Variants in SPEN observed in about 807,000 individuals in gnomAD.
The protein encoded by SPEN is spen family transcriptional repressor, also known as msx2-interacting protein.
SPEN carries 18 observed loss-of-function variants against 269.9 expected under a neutral mutation model. The ratio of observed to expected loss-of-function variants is 0.07; its 90% CI spans 0.05 to 0.10. SPEN has a LOEUF of 0.10. Ranked by LOEUF, SPEN falls within the 10% of genes least tolerant of loss-of-function variation. SPEN has a pLI of 1.00. For synonymous variants in SPEN, 1,726 were observed against 1,765.7 expected, an observed-to-expected ratio of 0.98 and a Z score of 0.56; for missense variants, 3,822 against 4,631.2, an observed-to-expected ratio of 0.83 and a Z score of 5.07.
Position 15,876,530 on chromosome 1 carries a change from C to T in SPEN, c.733C>T (p.Pro245Ser). 6.2e-7 allele frequency: 1 copy of T among 1,614,084 alleles called. No homozygotes were observed. Among genetic ancestry groups the T allele is most frequent in the African/African-American group, 1.3e-5 (1 of 75,014 alleles). The change falls in exon 3 of 15, where the codon CCA becomes TCA. Residue 245 changes from proline (P) to serine (S), a missense_variant. By Grantham distance (74) the Pro-to-Ser change is moderately conservative (BLOSUM62 -1). This residue lies in a region of SPEN where 327 missense variants were observed against 350.8 expected (regional missense o/e 0.93). Coordinates refer to ENST00000375759, the MANE Select transcript of SPEN (RefSeq NM_015001.3). ...RNYQHSRSRS[P>S]HSSQSRNQSP... ...TTACCAGCACAGCAGGAGTCGGTCA[C>T]CACATTCATCCCAGTCTAGAAATCA...
chr1:15,930,342 A>T lies in SPEN; in HGVS notation c.4102A>T (p.Arg1368Trp). 6.2e-7 allele frequency: 1 copy of T among 1,613,734 alleles called. No individual in the cohort carries two copies. Among genetic ancestry groups the T allele is most frequent in the South Asian group, 1.1e-5 (1 of 91,028 alleles). Residue 1368 changes from arginine to tryptophan, a missense_variant, in exon 11 of 15, where the codon AGG (arginine) becomes TGG (tryptophan). Physicochemically the swap from Arg to Trp is moderately radical, Grantham distance 101. Transcript: ENST00000375759. This position sits in a 1 kb window ranked among gnomAD's most constrained non-coding sequence, Gnocchi z 5.3. ...AATTAAGAGAGATAGCCTTCGAAAA[A>T]GGTCTGTACGAGATCTGGAACCTGG... The part of the protein sequence containing the change: ...SIIKRDSLRK[R>W]SVRDLEPGEV...
At chr1:15,889,167 T>TTC (rs891025948) in intron 3 of SPEN, among the ~76,000 whole-genome samples, 3 of 149,144 alleles carry the variant, frequency 2.0e-5, no homozygotes, top group Admixed American at 6.7e-5. Context: ...TTCTTTTCTT[T>TTC]TTTTTTTTTT....
intron 3 of SPEN, among the ~76,000 whole-genome samples, 183 bp from the exon 4 acceptor site, chr1:15,909,138 C>T (rs912521497): frequency 3.7e-4 from 57 of 152,180 alleles, no homozygotes; most frequent in African/African-American, 1.2e-3. Flanking sequence ...TTTTGTGCTC[C>T]TGCATATTTA....
rs546776460 is a variant in SPEN at position 15,887,108 on chromosome 1, T to G, written c.881+10430T>G. Among the ~76,000 whole-genome samples the G allele has an allele frequency of 3.3e-5, 5 of 151,772 alleles. No individual in the cohort carries two copies. The South Asian group carries it at 1.0e-3, about 32-fold the overall frequency. On this transcript the variant is annotated intron_variant, in intron 3 of 14. Coordinates refer to ENST00000375759, the MANE Select transcript of SPEN (RefSeq NM_015001.3). The stretch of plus-strand genomic sequence containing the variant: ...ATTGCACCTGAGCCTCCCAAGTAGC[T>G]GGGATTACAGCCACACACCACCACG...
intron 1 of SPEN, among the ~76,000 whole-genome samples, chr1:15,850,296 G>A (rs1238372047): frequency 6.6e-6 from 1 of 152,124 alleles, no homozygotes; most frequent in Non-Finnish European, 1.5e-5. Context: ...TGCATTCAAA[G>A]GAGTATCTTA....
At position 15,929,363 on chromosome 1, in the gene SPEN, G is replaced by C. The variant is rs765275426; in HGVS notation, c.3123G>C (p.Arg1041Ser). Reference protein sequence around the residue: ...REGEAERKPVRKEILKRESKK... With the variant: ...REGEAERKPVSKEILKRESKK... Reference sequence around the variant, plus strand: ...GAGAGGCTGAAAGAAAGCCTGTGAGGAAAGAAATTCTTAAAAGAGAATCTA... The same window carrying C: ...GAGAGGCTGAAAGAAAGCCTGTGAGCAAAGAAATTCTTAAAAGAGAATCTA... Residue 1041 changes from arginine to serine, a missense_variant, in exon 11 of 15, where the codon AGG becomes AGC. Around this residue, in one of 16 missense-constraint regions of SPEN, gnomAD observed 572 missense variants for 582.6 expected, o/e 0.98. Transcript: ENST00000375759. The surrounding 1 kb of genome is among the most constrained non-coding windows in gnomAD (Gnocchi z 5.8). The C allele has an allele frequency of 1.2e-6, 2 of 1,613,170 alleles. No homozygotes were observed. The highest frequency in any genetic ancestry group is 1.7e-6 in the Non-Finnish European group (2 of 1,179,744).
chr1:15,866,502 T>C (rs957329791), intron 1 of SPEN, among the ~76,000 whole-genome samples: 6 of 152,070 alleles, frequency 3.9e-5, no homozygotes, highest in Non-Finnish European at 8.8e-5. Context: ...TACAGGCGCC[T>C]GCCACCACAC....
chr1:15,895,488 G>A (rs145887733), intron 3 of SPEN, among the ~76,000 whole-genome samples: 2 of 152,124 alleles, frequency 1.3e-5, no homozygotes, highest in East Asian at 1.9e-4. Flanking sequence ...CTTGTCACAT[G>A]TATCATAATT....
intron 3 of SPEN, among the ~76,000 whole-genome samples, chr1:15,894,770 C>T (rs2070824428): frequency 6.6e-6 from 1 of 151,936 alleles, no homozygotes. Flanking sequence ...GATCTGACCT[C>T]CTGATCTGCC....
intron 3 of SPEN, among the ~76,000 whole-genome samples, chr1:15,906,177 C>G (rs757941725): frequency 6.6e-5 from 10 of 152,134 alleles, no homozygotes; most frequent in Non-Finnish European, 1.2e-4. Flanking sequence ...TCATTAAACC[C>G]TAATGTCAAT....
chr1:15,939,517 C>A lies in SPEN; in HGVS notation c.*90C>A. 2.8e-6 allele frequency: 4 copies of A among 1,421,974 alleles called. No homozygotes were observed. Among genetic ancestry groups the A allele is most frequent in the Non-Finnish European group, 3.7e-6 (4 of 1,073,236 alleles). The allele number at this position is 1,421,974 out of a possible 1,614,324, so 88.1% of individuals were successfully genotyped here. A position where few individuals can be genotyped will look rare whatever the true frequency, so the allele number is the denominator to read the frequency against. On this transcript the variant is annotated 3_prime_UTR_variant, in exon 15 of 15. Coordinates refer to ENST00000375759, the MANE Select transcript of SPEN (RefSeq NM_015001.3). This position sits in a 1 kb window ranked among gnomAD's most constrained non-coding sequence, Gnocchi z 4.1. ...CCAGCCAAGCAGAGGAAGAAGCTGC[C>A]GAAGGGGACAGACTCCACTGCCAGA...
chr1:15,885,410 C>G (rs2070727652), intron 3 of SPEN, among the ~76,000 whole-genome samples: 1 of 152,164 alleles, frequency 6.6e-6, no homozygotes, highest in Admixed American at 6.5e-5. Flanking sequence ...CCAACTGTTA[C>G]ATGAAGTTTC....
At position 15,929,009 on chromosome 1, in the gene SPEN, G is replaced by A; in HGVS notation, c.2769G>A (p.Glu923=). ...AGAAACTTCAGGTCTCTCAGACGGAGCCTGCAAAATCTGACTTGTCTAAAC... is the reference window on the plus strand; with the variant it reads ...AGAAACTTCAGGTCTCTCAGACGGAACCTGCAAAATCTGACTTGTCTAAAC... The part of the protein sequence containing the change: ...LDQKLQVSQT[E]PAKSDLSKLE... The change falls in exon 11 of 15, where the codon GAG becomes GAA. Residue 923 remains glutamate, a synonymous_variant. Transcript: ENST00000375759. The surrounding 1 kb of genome is among the most constrained non-coding windows in gnomAD (Gnocchi z 5.8). 1.2e-6 allele frequency: 2 copies of A among 1,614,202 alleles called. No homozygotes were observed. Among genetic ancestry groups the A allele is most frequent in the Non-Finnish European group, 1.7e-6 (2 of 1,180,042 alleles).
intron 1 of SPEN, among the ~76,000 whole-genome samples, chr1:15,864,237 T>TGGCTCACTGC (rs1295559404): frequency 2.0e-5 from 3 of 152,084 alleles, no homozygotes; most frequent in Admixed American, 1.3e-4. Flanking sequence ...GGCTCGATCT[T>TGGCTCACTGC]GGCTCACTGC....
At position 15,931,421 on chromosome 1, in the gene SPEN, G is replaced by T; in HGVS notation, c.5181G>T (p.Gln1727His). The change falls in exon 11 of 15, where the codon CAG becomes CAT. Residue 1727 changes from glutamine (Q) to histidine (H), a missense_variant. By Grantham distance (24) the Gln-to-His change is conservative. Around this residue, in one of 16 missense-constraint regions of SPEN, gnomAD observed 533 missense variants for 618.8 expected, o/e 0.86. Transcript: ENST00000375759. The surrounding 1 kb of genome is among the most constrained non-coding windows in gnomAD (Gnocchi z 4.8). ...TTGAGGAAGGTTCATCAGGTGACCA[G>T]CCGCCTTATCTGGATGCCAAGCCTC... ...AGVEEGSSGDQPPYLDAKPPT... is the reference protein window; with the variant it reads ...AGVEEGSSGDHPPYLDAKPPT... 6.2e-7 allele frequency: 1 copy of T among 1,614,156 alleles called. No homozygotes were observed. The highest frequency in any genetic ancestry group is 2.2e-5 in the East Asian group (1 of 44,888).
intron 3 of SPEN, among the ~76,000 whole-genome samples, chr1:15,898,775 C>G (rs1426478704): frequency 6.6e-6 from 1 of 152,086 alleles, no homozygotes; most frequent in Non-Finnish European, 1.5e-5. Flanking sequence ...GTTGGCCACG[C>G]TGGTCTTGAA....
intron 5 of SPEN, among the ~76,000 whole-genome samples, chr1:15,911,990 A>G (rs901475953): frequency 1.1e-4 from 17 of 152,100 alleles, no homozygotes; most frequent in African/African-American, 4.1e-4. Context: ...AAAAGAAACA[A>G]ATTACTTAAT....
chr1:15,849,131 A>G (rs2070307547), intron 1 of SPEN, among the ~76,000 whole-genome samples: 1 of 152,242 alleles, frequency 6.6e-6, no homozygotes, highest in Admixed American at 6.5e-5. Context: ...TAAAACACTT[A>G]TTAAAATGAC....
chr1:15,860,895 C>T (rs528361039), intron 1 of SPEN, among the ~76,000 whole-genome samples: 3 of 151,302 alleles, frequency 2.0e-5, no homozygotes, highest in African/African-American at 4.9e-5. Flanking sequence ...CCACTGTGCC[C>T]GGACTTTTGT....
Sources: gnomAD v4.1 joint callset for allele counts (sites outside exome capture counted in the v4.1 genomes callset) on GRCh38, gnomAD v4.1.1 for gene constraint, gnomAD v4.1.1 regional missense constraint, Gnocchi (gnomAD v3.1) non-coding constraint, MANE v1.5 for transcripts, NCBI Gene and HGNC (gene_info 2026-07-23, HGNC 2026-07-21) for gene names.